Variants in CSMD1 observed in about 807,000 individuals in gnomAD.
CSMD1 encodes the protein CUB and sushi domain-containing protein 1.
Under a neutral mutation model 417.5 loss-of-function variants are expected in CSMD1, and 213 were observed. That is an observed-to-expected ratio of 0.51 (90% CI 0.46 to 0.57). The LOEUF is 0.57. CSMD1 is among the 20% of genes least tolerant of loss of function. The pLI is 0.00. For missense variants in CSMD1, 6,923 were observed against 4,529.7 expected (o/e 1.53, Z -15.17); for synonymous variants, 2,862 against 1,736.8 (o/e 1.65, Z -16.11).
chr8:4,522,242 C>T (rs1803496480), intron 2 of CSMD1, among the ~76,000 whole-genome samples: 1 of 152,082 alleles, frequency 6.6e-6, no homozygotes, highest in African/African-American at 2.4e-5. Flanking sequence ...CTCTCTTTGC[C>T]TGCTGCCATC....
chr8:3,266,339 C>G (rs1434032896), intron 26 of CSMD1, among the ~76,000 whole-genome samples: 7 of 151,978 alleles, frequency 4.6e-5, no homozygotes, highest in Non-Finnish European at 7.4e-5. Flanking sequence ...GGCACAGTGG[C>G]TCACACCTGT....
At chr8:4,060,572 C>G (rs1194548873) in intron 3 of CSMD1, among the ~76,000 whole-genome samples, 2 of 152,066 alleles carry the variant, frequency 1.3e-5, no homozygotes, top group East Asian at 1.9e-4. Flanking sequence ...CGAATGAGTT[C>G]CAGGGGAAGG....
intron 3 of CSMD1, among the ~76,000 whole-genome samples, chr8:4,403,969 C>G (rs900229469): frequency 3.3e-5 from 5 of 152,184 alleles, no homozygotes; most frequent in Admixed American, 6.5e-5. Context: ...GGCATCACCC[C>G]TAAAACTCTC....
chr8:3,755,641 A>G (rs569788010), intron 5 of CSMD1, among the ~76,000 whole-genome samples: 2 of 152,114 alleles, frequency 1.3e-5, no homozygotes, highest in Admixed American at 6.5e-5. Flanking sequence ...TACTTATTCT[A>G]TTACCTGGAA....
intron 3 of CSMD1, among the ~76,000 whole-genome samples, chr8:4,316,048 G>T (rs186171586): frequency 1.6e-4 from 25 of 151,862 alleles, no homozygotes; most frequent in Non-Finnish European, 2.8e-4. Flanking sequence ...ATCCCACTGA[G>T]AAATATATGA....
At chr8:4,326,673 A>G (rs549725720) in intron 3 of CSMD1, among the ~76,000 whole-genome samples, 3 of 152,346 alleles carry the variant, frequency 2.0e-5, no homozygotes, top group East Asian at 3.9e-4. Flanking sequence ...AGACCAAAGG[A>G]AAAGGTCTGG....
intron 2 of CSMD1, among the ~76,000 whole-genome samples, chr8:4,527,241 A>G (rs561618924): frequency 6.6e-6 from 1 of 152,330 alleles, no homozygotes; most frequent in East Asian, 1.9e-4. Context: ...AATTACATCA[A>G]ACATTAGCAT....
chr8:4,415,527 C>G (rs1796886776), intron 3 of CSMD1, among the ~76,000 whole-genome samples: 1 of 152,188 alleles, frequency 6.6e-6, no homozygotes, highest in Non-Finnish European at 1.5e-5. Context: ...CTCTTCCGCC[C>G]TGTTTTATAA....
chr8:3,569,272 T>C (rs1241306276), intron 10 of CSMD1, among the ~76,000 whole-genome samples: 5 of 152,182 alleles, frequency 3.3e-5, no homozygotes, highest in African/African-American at 1.2e-4. Context: ...TGATATAGCA[T>C]GATAACATGT....
At chr8:3,720,939 C>T (rs1278480465) in intron 6 of CSMD1, among the ~76,000 whole-genome samples, 1 of 152,094 alleles carries the variant, frequency 6.6e-6, no homozygotes, top group Non-Finnish European at 1.5e-5. Flanking sequence ...CCTCAGCCTC[C>T]CAACTAGCTG....
At chr8:3,304,982 G>A (rs1804712934) in intron 25 of CSMD1, among the ~76,000 whole-genome samples, 1 of 152,172 alleles carries the variant, frequency 6.6e-6, no homozygotes, top group African/African-American at 2.4e-5. Context: ...GCCATTGGAA[G>A]TGGTTTTTAC....
rs778893537 is a variant in CSMD1, at chr8:3,407,922, C to A, written c.2048G>T (p.Arg683Ile). The change falls in exon 14 of 70, where the codon AGA becomes ATA. Residue 683 changes from arginine to isoleucine, a missense_variant. Physicochemically the swap from Arg to Ile is moderately conservative, Grantham distance 97. Coordinates refer to ENST00000635120, the MANE Select transcript of CSMD1 (RefSeq NM_033225.6). Reference sequence around the variant, plus strand: ...ACTGGTGTAAGTGATGTTGAACCCTCTGCCAGTAGTGGAATGGTCAGACTG... The same window carrying A: ...ACTGGTGTAAGTGATGTTGAACCCTATGCCAGTAGTGGAATGGTCAGACTG... ...EFQSDHSTTG[R>I]GFNITYTTFG... 16 of 1,611,754 alleles carry A rather than the reference C, an allele frequency of 9.9e-6. No individual in the cohort carries two copies. The highest frequency in any genetic ancestry group is 5.1e-6 in the Non-Finnish European group (6 of 1,178,452).
At chr8:3,137,019 A>G (rs146398480) in intron 41 of CSMD1, among the ~76,000 whole-genome samples, 18 of 152,276 alleles carry the variant, frequency 1.2e-4, no homozygotes, top group Admixed American at 3.3e-4. Flanking sequence ...TGATGTTTCA[A>G]TACATATAAT....
intron 5 of CSMD1, among the ~76,000 whole-genome samples, chr8:3,985,646 C>A (rs1005206808): frequency 6.6e-6 from 1 of 152,116 alleles, no homozygotes; most frequent in East Asian, 1.9e-4. Context: ...GTTGCACTCA[C>A]AGAAGCTTGC....
intron 3 of CSMD1, among the ~76,000 whole-genome samples, chr8:4,101,901 T>C (rs1801323304): frequency 6.6e-6 from 1 of 152,200 alleles, no homozygotes; most frequent in Admixed American, 6.5e-5. Context: ...CTATCTCTCC[T>C]AATAATGTAC....
At chr8:4,670,051 ACT>A (rs1276052154) in intron 1 of CSMD1, among the ~76,000 whole-genome samples, 1 of 152,158 alleles carries the variant, frequency 6.6e-6, no homozygotes, top group Non-Finnish European at 1.5e-5. Flanking sequence ...GCTAGGAGAA[ACT>A]CTGTAGAAAG....
At chr8:3,437,417 A>C (rs1814636065) in intron 12 of CSMD1, among the ~76,000 whole-genome samples, 1 of 152,160 alleles carries the variant, frequency 6.6e-6, no homozygotes, top group Admixed American at 6.5e-5. Context: ...CTTATCCTAA[A>C]GGCTGAATTA....
chr8:3,342,114 C>T (rs2117605937), intron 23 of CSMD1, among the ~76,000 whole-genome samples: 1 of 152,318 alleles, frequency 6.6e-6, no homozygotes, highest in Middle Eastern at 3.4e-3. Flanking sequence ...TTTCTATTTA[C>T]TCAGTCTTTT....
At chr8:3,703,422 A>AGT (rs1800982579) in intron 7 of CSMD1, among the ~76,000 whole-genome samples, 1 of 148,114 alleles carries the variant, frequency 6.8e-6, no homozygotes, top group South Asian at 2.2e-4. Flanking sequence ...AAGCACAGAG[A>AGT]TTCCTTTCTC....
Sources: allele counts gnomAD v4.1 joint callset (sites outside exome capture counted in the v4.1 genomes callset), GRCh38; gene constraint gnomAD v4.1.1; transcripts MANE v1.5; gene names NCBI Gene and HGNC (gene_info 2026-07-23, HGNC 2026-07-21).